Variants in MIA3 observed in about 807,000 individuals in gnomAD.
MIA3 encodes transport and Golgi organization protein 1 homolog.
A neutral mutation model predicts 192.4 loss-of-function variants in MIA3; 90 were observed. The observed-to-expected ratio is 0.47, with a 90% CI of 0.39 to 0.56. MIA3 has a LOEUF of 0.56. Among genes scored for constraint, MIA3 ranks in the 20% least tolerant of loss-of-function variants. The probability of loss-of-function intolerance (pLI) is 0.00; values close to 1 mark genes in which losing one functional copy is unlikely to be tolerated. For synonymous variants in MIA3, 740 were observed against 792.8 expected (o/e 0.93, Z 1.12); for missense variants, 2,123 against 2,269.4 (o/e 0.94, Z 1.31).
intron 6 of MIA3, among the ~76,000 whole-genome samples, chr1:222,642,918 T>C (rs1279951704): frequency 6.6e-6 from 1 of 152,244 alleles, no homozygotes; most frequent in Non-Finnish European, 1.5e-5. Flanking sequence ...TTCTTATTTG[T>C]AAAGCACTTT....
intron 6 of MIA3, chr1:222,641,462 A>G: frequency 2.0e-6 from 1 of 497,894 alleles, no homozygotes; most frequent in Non-Finnish European, 4.0e-6. Context: ...TGGGCTGCTG[A>G]ATCGTCTGGC....
chr1:222,629,914 A>C lies in MIA3; in HGVS notation c.2694A>C (p.Glu898Asp). 1 of 1,614,098 alleles carries C rather than the reference A, an allele frequency of 6.2e-7. No homozygotes were observed. The highest frequency in any genetic ancestry group is 8.5e-7 in the Non-Finnish European group (1 of 1,180,002). The change falls in exon 4 of 28, where the codon GAA becomes GAC. Residue 898 changes from glutamate to aspartate, a missense_variant. Transcript: ENST00000344922. ...GTESQGSAAA[E>D]PEDDSFHWTP... ...AAAGCCAGGGGTCTGCTGCTGCAGA[A>C]CCTGAAGATGACTCGTTCCACTGGA...
Position 222,660,314 on chromosome 1 carries a change from G to C in MIA3, c.5113G>C (p.Gly1705Arg). 15 of 1,606,898 alleles carry C rather than the reference G, an allele frequency of 9.3e-6. No homozygotes were observed. The highest frequency in any genetic ancestry group is 1.3e-5 in the Non-Finnish European group (15 of 1,177,764). ...AAGAGATATGCCTAGAAGTGAATTT[G>C]GTGAGCATTCACATGTTTCCTTGCA... Reference protein sequence around the residue: ...NRRDMPRSEFGSVDGPLPHPR... With the variant: ...NRRDMPRSEFRSVDGPLPHPR... Residue 1705 changes from glycine to arginine, a missense_variant and splice_region_variant, in exon 24 of 28, where the codon GGA (glycine) becomes CGA (arginine). Physicochemically the swap from Gly to Arg is moderately radical, Grantham distance 125. Coordinates refer to ENST00000344922, the MANE Select transcript of MIA3 (RefSeq NM_198551.4).
chr1:222,634,226 CAGG>C (rs1281925819), intron 6 of MIA3, among the ~76,000 whole-genome samples: 1 of 151,922 alleles, frequency 6.6e-6, no homozygotes, highest in Non-Finnish European at 1.5e-5. Context: ...GAGGCTGAGG[CAGG>C]AGAATAGCTT....
intron 2 of MIA3, among the ~76,000 whole-genome samples, chr1:222,621,561 A>G (rs986055711): frequency 2.6e-5 from 4 of 152,212 alleles, no homozygotes; most frequent in Non-Finnish European, 4.4e-5. Flanking sequence ...AGAGGTTGAA[A>G]TGGTAAGAGC....
chr1:222,639,084 T>C (rs1662749092), intron 6 of MIA3, among the ~76,000 whole-genome samples: 3 of 152,168 alleles, frequency 2.0e-5, no homozygotes, highest in Non-Finnish European at 1.5e-5. Context: ...CATCACCACA[T>C]ATTCTTCAGA....
At position 222,618,138 on chromosome 1, in the gene MIA3, T is replaced by G. The variant is rs1489077651; in HGVS notation, c.28T>G (p.Trp10Gly). The change falls in exon 1 of 28, where the codon TGG becomes GGG. Residue 10 changes from tryptophan to glycine, a missense_variant. This residue lies in a region of MIA3 where 1,357 missense variants were observed against 1,396.1 expected (regional missense o/e 0.97). Coordinates refer to ENST00000344922, the MANE Select transcript of MIA3 (RefSeq NM_198551.4). MAAAPGLLV[W>G]LLVLRLPWRV... ...GGCTGCGGCGCCTGGGCTGCTCGTC[T>G]GGCTGCTCGTGCTCCGGCTGCCCTG... 2 of 1,500,906 alleles carry G rather than the reference T, an allele frequency of 1.3e-6. No homozygotes were observed. The highest frequency in any genetic ancestry group is 1.8e-6 in the Non-Finnish European group (2 of 1,127,002). 93.0% of individuals were successfully genotyped at this position (1,500,906 alleles called of 1,614,324 possible).
rs1663598554 is a variant in MIA3, at chr1:222,654,407, G to A, written c.4396G>A (p.Val1466Ile). ...TTTTTAGACACAGACTGCAATATCG[G>A]TAGTTGAAGAGGATCTAAAGCTTTT... is the stretch of plus-strand genomic sequence containing the variant. The part of the protein sequence containing the change: ...DVSRTQTAIS[V>I]VEEDLKLLQL... The change falls in exon 17 of 28, where the codon GTA (valine) becomes ATA (isoleucine). Residue 1466 changes from valine (V) to isoleucine (I), a missense_variant. Val to Ile is a conservative substitution (Grantham distance 29). Coordinates refer to ENST00000344922, the MANE Select transcript of MIA3 (RefSeq NM_198551.4). 1.9e-6 allele frequency: 3 copies of A among 1,613,756 alleles called. No homozygotes were observed.
In MIA3 at chr1:222,665,372, G is replaced by A. The variant is rs751381674; in HGVS notation, c.5477G>A (p.Arg1826Gln). 38 of 1,613,844 alleles carry A rather than the reference G, an allele frequency of 2.4e-5. No homozygotes were observed. The Middle Eastern group carries it at 4.9e-4, about 21-fold the overall frequency. Residue 1826 changes from arginine to glutamine, a missense_variant, in exon 28 of 28, where the codon CGG (arginine) becomes CAG (glutamine). Coordinates refer to ENST00000344922, the MANE Select transcript of MIA3 (RefSeq NM_198551.4). ...EFAPGVPPGR[R>Q]DLPLHPRGFL... The stretch of plus-strand genomic sequence containing the variant: ...GCACCAGGCGTTCCACCAGGAAGAC[G>A]GGACCTGCCTCTCCACCCTCGGGGA...
At chr1:222,627,532 A>T in intron 3 of MIA3, 43 bp from the exon 4 acceptor site, 2 of 1,451,128 alleles carry the variant, frequency 1.4e-6, no homozygotes, top group East Asian at 4.5e-5. Flanking sequence ...TGCTCTGGTG[A>T]CACTTGGCTA....
chr1:222,659,518 T>C lies in MIA3; in HGVS notation c.4770+5T>C. ...GAGCGGTCATTTAAAAACCAGGTAA[T>C]AATTCTAGTGCCCTACTATATAGTG... On this transcript the variant is annotated splice_donor_5th_base_variant and intron_variant, in intron 20 of 27. Transcript: ENST00000344922. 1 of 1,613,548 alleles carries C rather than the reference T, an allele frequency of 6.2e-7. No individual in the cohort carries two copies. The highest frequency in any genetic ancestry group is 1.1e-5 in the South Asian group (1 of 91,062).
chr1:222,642,366 TATTCTGACAGC>T (rs1362967262), intron 6 of MIA3, among the ~76,000 whole-genome samples: 2 of 152,200 alleles, frequency 1.3e-5, no homozygotes, highest in Admixed American at 1.3e-4. Flanking sequence ...AAAAAAAATG[TATTCTGACAGC>T]ATACCCTAGC....
chr1:222,654,852 T>TA, intron 18 of MIA3, 59 bp downstream of exon 18: 2 of 1,338,478 alleles, frequency 1.5e-6, no homozygotes, highest in Non-Finnish European at 1.0e-6. Flanking sequence ...AAATGTGTAC[T>TA]AATATAGATA....
chr1:222,640,405 TAGTA>T (rs572143720), intron 6 of MIA3, among the ~76,000 whole-genome samples: 5 of 152,102 alleles, frequency 3.3e-5, no homozygotes, highest in African/African-American at 4.8e-5. Context: ...TATAAAGCTC[TAGTA>T]AGTAAGACAG....
intron 27 of MIA3, 55 bp downstream of exon 27, chr1:222,664,203 T>C: frequency 6.3e-7 from 1 of 1,582,170 alleles, no homozygotes; most frequent in Non-Finnish European, 8.7e-7. Context: ...ATCTTCTCCA[T>C]CTATCCCTTG....
chr1:222,650,149 A>G, intron 8 of MIA3, 143 bp from the exon 9 acceptor site: 1 of 678,316 alleles, frequency 1.5e-6, no homozygotes, highest in Non-Finnish European at 2.7e-6. Context: ...ACCAAACCAT[A>G]TCACTTTTTA....
chr1:222,623,431 G>A (rs1304801636), intron 2 of MIA3, among the ~76,000 whole-genome samples: 1 of 151,984 alleles, frequency 6.6e-6, no homozygotes, highest in East Asian at 1.9e-4. Flanking sequence ...CCTTAAAATA[G>A]TCTCCCCTCT....
rs1047055121 is a variant in MIA3, at chr1:222,648,822, T to C, written c.3610-7T>C. 2 of 1,395,866 alleles carry C rather than the reference T, an allele frequency of 1.4e-6. No homozygotes were observed. The highest frequency in any genetic ancestry group is 1.4e-5 in the African/African-American group (1 of 70,444). 86.5% of individuals were successfully genotyped at this position (1,395,866 alleles called of 1,614,324 possible). On this transcript the variant is annotated splice_region_variant and splice_polypyrimidine_tract_variant and intron_variant, in intron 7 of 27. Transcript: ENST00000344922. The stretch of plus-strand genomic sequence containing the variant: ...ACATCAAATTTAATTTTATTTCTCT[T>C]TTCTAGGTGAAGGATAGAGTATATC...
rs748886546 is a variant in MIA3 at position 222,665,320 on chromosome 1, C to T, written c.5425C>T (p.Arg1809Cys). 25 of 1,603,480 alleles carry T rather than the reference C, an allele frequency of 1.6e-5. No individual in the cohort carries two copies. The South Asian group carries it at 1.7e-4, about 11-fold the overall frequency. ...TTTTTGTTTTCCAGGCCCTGGTATG[C>T]GTCCACCACTAGGCTTAAGAGAATT... ...PLPPPFGPGM[R>C]PPLGLREFAP... is the part of the protein sequence containing the mutation. Residue 1809 changes from arginine (R) to cysteine (C), a missense_variant, in exon 28 of 28, where the codon CGT becomes TGT. By Grantham distance (180) the Arg-to-Cys change is radical (BLOSUM62 -3). This residue lies in a region of MIA3 where 762 missense variants were observed against 856.4 expected (regional missense o/e 0.89). Coordinates refer to ENST00000344922, the MANE Select transcript of MIA3 (RefSeq NM_198551.4).
Sources: allele counts gnomAD v4.1 joint callset (sites outside exome capture counted in the v4.1 genomes callset), GRCh38; gene constraint gnomAD v4.1.1; regional missense constraint gnomAD v4.1.1; transcripts MANE v1.5; gene names NCBI Gene and HGNC (gene_info 2026-07-23, HGNC 2026-07-21).